The following DHRSX variants were observed in gnomAD, a reference collection of about 807,000 sequenced individuals.
DHRSX encodes polyprenol dehydrogenase.
Under a neutral mutation model 34.0 loss-of-function variants are expected in DHRSX, and 31 were observed. The observed-to-expected ratio is 0.91, with a 90% CI of 0.69 to 1.23. The LOEUF (loss-of-function observed/expected upper bound fraction) is 1.23, where lower values mean the gene tolerates loss of function less well. Among genes scored for constraint, DHRSX ranks in the 50% most tolerant of loss-of-function variants. The pLI is 0.00. For synonymous variants in DHRSX, 201 were observed against 183.8 expected, an observed-to-expected ratio of 1.09 and a Z score of -0.76; for missense variants, 414 against 428.1, an observed-to-expected ratio of 0.97 and a Z score of 0.29.
chrX:2,425,238 G>A lies in DHRSX; in HGVS notation c.176C>T (p.Thr59Ile). The A allele has an allele frequency of 1.9e-6, 3 of 1,613,820 alleles. No homozygotes were observed. Among genetic ancestry groups the A allele is most frequent in the Non-Finnish European group, 2.5e-6 (3 of 1,179,834 alleles). ...GCCAAGTCTCGCCAGATGCTTCGCT[G>A]TAGAATAGCCAATGCCATCTGTCCC... is the stretch of plus-strand genomic sequence containing the variant. ...TGGTDGIGYS[T>I]AKHLARLGMH... is the part of the protein sequence containing the mutation. Residue 59 changes from threonine (T) to isoleucine (I), a missense_variant, in exon 2 of 7, where the codon ACA becomes ATA. Thr to Ile is a moderately conservative substitution (Grantham distance 89). Coordinates refer to ENST00000334651, the MANE Select transcript of DHRSX (RefSeq NM_145177.3).
rs141029340 is a variant in DHRSX at position 2,378,476 on chromosome X, G to A, written c.286+30269C>T. ...TCCTCCTCCTCAACGTCAAGATGAC[G>A]AGGATGAAGACATTTATCATGAGCC... On this transcript the variant is annotated intron_variant, in intron 3 of 6. Coordinates refer to ENST00000334651, the MANE Select transcript of DHRSX (RefSeq NM_145177.3). 3.2e-3 allele frequency among the ~76,000 whole-genome samples: 488 copies of A among 151,976 alleles called. 6 individuals carry two copies. Among genetic ancestry groups the A allele is most frequent in the African/African-American group, 0.011 (470 of 41,422 alleles).
intron 3 of DHRSX, among the ~76,000 whole-genome samples, chrX:2,391,504 A>G (rs1424258614): frequency 2.0e-5 from 3 of 152,228 alleles, no homozygotes; most frequent in Admixed American, 2.0e-4. Context: ...CAGGCAGGGG[A>G]CTGGGGGAAA....
intron 4 of DHRSX, among the ~76,000 whole-genome samples, chrX:2,272,638 A>G (rs912209839): frequency 1.3e-5 from 2 of 152,106 alleles, no homozygotes; most frequent in African/African-American, 2.4e-5. Context: ...GAGCACCTTC[A>G]GCCTGACATG....
At position 2,387,904 on chromosome X, in the gene DHRSX, C is replaced by CAAAA. The variant is rs557047764; in HGVS notation, c.286+20837_286+20840dup. Among the ~76,000 whole-genome samples, 274 of 73,898 alleles carry CAAAA rather than the reference C, an allele frequency of 3.7e-3. 6 individuals carry two copies. The highest frequency in any genetic ancestry group is 0.012 in the African/African-American group (218 of 17,462). The allele number at this position is 73,898 out of a possible 152,430, so 48.5% of individuals were successfully genotyped here. ...TACTCTGAGCCTCCACCCTCCCCTG[C>CAAAA]AAAAAAAAAAAAAAAAAAAACGGGA... On this transcript the variant is annotated intron_variant, in intron 3 of 6. Transcript: ENST00000334651.
intron 3 of DHRSX, among the ~76,000 whole-genome samples, chrX:2,317,106 C>T (rs1337004638): frequency 1.3e-5 from 2 of 151,994 alleles, no homozygotes; most frequent in Non-Finnish European, 2.9e-5. Flanking sequence ...TACAAGTGCA[C>T]GTCACCACGC....
intron 1 of DHRSX, among the ~76,000 whole-genome samples, chrX:2,468,861 C>A (rs1330959765): frequency 1.3e-5 from 2 of 151,958 alleles, no homozygotes; most frequent in African/African-American, 4.8e-5. Context: ...TAAGGGACCA[C>A]CGCCATGTAC....
chrX:2,236,577 G>A (rs1348778983), intron 6 of DHRSX, among the ~76,000 whole-genome samples: 9 of 151,996 alleles, frequency 5.9e-5, no homozygotes, highest in Non-Finnish European at 1.2e-4. Context: ...GATTACAGGC[G>A]TCCGCCACCA....
intron 1 of DHRSX, among the ~76,000 whole-genome samples, chrX:2,484,577 G>C (rs2044831592): frequency 6.6e-6 from 1 of 152,116 alleles, no homozygotes; most frequent in Admixed American, 6.5e-5. Context: ...CTGAAGAAAT[G>C]AGCAAAACAC....
At chrX:2,341,651 CTTTT>C (rs112680079) in intron 3 of DHRSX, among the ~76,000 whole-genome samples, 1 of 121,058 alleles carries the variant, frequency 8.3e-6, no homozygotes, top group Non-Finnish European at 1.7e-5. Flanking sequence ...GTGAACTTGT[CTTTT>C]TTTTTTTTTT....
chrX:2,237,731 C>T (rs1408815172), intron 6 of DHRSX, among the ~76,000 whole-genome samples: 1 of 152,026 alleles, frequency 6.6e-6, no homozygotes, highest in Non-Finnish European at 1.5e-5. Flanking sequence ...TCTTGAACTC[C>T]TAACCTCACA....
At chrX:2,444,865 T>TA (rs1240829033) in intron 1 of DHRSX, among the ~76,000 whole-genome samples, 3 of 151,096 alleles carry the variant, frequency 2.0e-5, no homozygotes, top group Non-Finnish European at 2.9e-5. Flanking sequence ...TTAAAAATAA[T>TA]AAAAAATTAG....
At chrX:2,372,677 C>A (rs2043088168) in intron 3 of DHRSX, among the ~76,000 whole-genome samples, 1 of 151,324 alleles carries the variant, frequency 6.6e-6, no homozygotes, top group South Asian at 2.1e-4. Context: ...GGCGCAACCT[C>A]GGCTCACTGC....
chrX:2,276,269 A>C (rs1320914581), intron 4 of DHRSX, among the ~76,000 whole-genome samples: 3 of 152,174 alleles, frequency 2.0e-5, no homozygotes, highest in Non-Finnish European at 2.9e-5. Flanking sequence ...CTGATGTTTC[A>C]TTGCGAATTT....
intron 3 of DHRSX, among the ~76,000 whole-genome samples, chrX:2,382,300 C>T (rs1287692693): frequency 6.6e-6 from 1 of 152,048 alleles, no homozygotes; most frequent in Non-Finnish European, 1.5e-5. Flanking sequence ...GGCCAACCTA[C>T]CCACCAGAAG....
intron 4 of DHRSX, among the ~76,000 whole-genome samples, chrX:2,284,183 T>C (rs748960195): frequency 1.6e-5 from 2 of 127,654 alleles, no homozygotes; most frequent in East Asian, 4.1e-4. Context: ...AATTCATACA[T>C]TCCTTTCAAT....
At chrX:2,416,627 T>C (rs1043175758) in intron 2 of DHRSX, among the ~76,000 whole-genome samples, 1 of 152,104 alleles carries the variant, frequency 6.6e-6, no homozygotes, top group Non-Finnish European at 1.5e-5. Flanking sequence ...TCTGTCTCTT[T>C]ACAGAAAAAG....
chrX:2,310,435 T>C (rs1224829242), intron 3 of DHRSX, among the ~76,000 whole-genome samples: 1 of 152,014 alleles, frequency 6.6e-6, no homozygotes, highest in Non-Finnish European at 1.5e-5. Flanking sequence ...ATGGAGCGCC[T>C]CTCTGGAGAC....
intron 4 of DHRSX, among the ~76,000 whole-genome samples, chrX:2,270,029 A>G: frequency 6.6e-6 from 1 of 151,908 alleles, no homozygotes; most frequent in South Asian, 2.1e-4. Flanking sequence ...GCATTTCTCT[A>G]TGTGTTTGTA....
chrX:2,225,876 A>G (rs950023809), intron 6 of DHRSX, among the ~76,000 whole-genome samples: 2 of 151,172 alleles, frequency 1.3e-5, no homozygotes, highest in African/African-American at 4.9e-5. Flanking sequence ...CACCCAGTCT[A>G]TGGTATTCTG....
Sources: gnomAD v4.1 joint callset for allele counts (sites outside exome capture counted in the v4.1 genomes callset) on GRCh38, gnomAD v4.1.1 for gene constraint, MANE v1.5 for transcripts, NCBI Gene and HGNC (gene_info 2026-07-23, HGNC 2026-07-21) for gene names.